Variants in GLRA1 observed in about 807,000 individuals in gnomAD.
GLRA1 encodes the protein glycine receptor alpha 1.
Under a neutral mutation model 48.3 loss-of-function variants are expected in GLRA1, and 37 were observed. The ratio of observed to expected loss-of-function variants is 0.77; its 90% CI spans 0.59 to 1.01. The LOEUF is 1.01. Ranked by LOEUF, GLRA1 falls within the 50% of genes least tolerant of loss-of-function variation. The pLI, the probability that GLRA1 is intolerant of heterozygous loss-of-function variation, is 0.00. For missense variants in GLRA1, 427 were observed against 571.0 expected (o/e 0.75, Z 2.57); for synonymous variants, 196 against 210.7 (o/e 0.93, Z 0.60).
intron 1 of GLRA1, among the ~76,000 whole-genome samples, chr5:151,903,673 C>T (rs1023004004): frequency 3.9e-5 from 6 of 152,314 alleles, no homozygotes; most frequent in African/African-American, 1.4e-4. Flanking sequence ...GCAAGACTAT[C>T]ATCTCCATTT....
intron 3 of GLRA1, among the ~76,000 whole-genome samples, chr5:151,863,638 C>T (rs1410043958): frequency 6.6e-6 from 1 of 152,106 alleles, no homozygotes; most frequent in Non-Finnish European, 1.5e-5. Flanking sequence ...AAATGCTTTC[C>T]TCCAAGGAAT....
At chr5:151,891,099 C>G (rs1212847519) in intron 2 of GLRA1, among the ~76,000 whole-genome samples, 2 of 152,198 alleles carry the variant, frequency 1.3e-5, no homozygotes, top group East Asian at 3.8e-4. Flanking sequence ...GCCAAAGGAA[C>G]AGTGAGGAAG....
intron 7 of GLRA1, among the ~76,000 whole-genome samples, chr5:151,843,658 C>G (rs1752575533): frequency 6.6e-6 from 1 of 152,110 alleles, no homozygotes; most frequent in Admixed American, 6.5e-5. Flanking sequence ...ACTCACACTT[C>G]CAAATTTTAA....
At chr5:151,902,791 C>G (rs1190940770) in intron 1 of GLRA1, among the ~76,000 whole-genome samples, 2 of 152,018 alleles carry the variant, frequency 1.3e-5, no homozygotes. Context: ...AATACTTAAT[C>G]CTCAAAATAA....
Position 151,869,573 on chromosome 5 carries a change from T to C in GLRA1, c.253-9565A>G, listed in dbSNP as rs901118756. On this transcript the variant is annotated intron_variant, in intron 3 of 8. Transcript: ENST00000274576. ...TACTAAAAATACAAAAATTAGCCTG[T>C]ACTTGGTGGCAAGCACTGGTAATCC... 2.9e-5 allele frequency among the ~76,000 whole-genome samples: 4 copies of C among 139,836 alleles called. 1 individual carries two copies. Among genetic ancestry groups the C allele is most frequent in the African/African-American group, 1.3e-4 (4 of 30,044 alleles). 91.7% of individuals were successfully genotyped at this position (139,836 alleles called of 152,430 possible). A position where few individuals can be genotyped will look rare whatever the true frequency, so the allele number is the denominator to read the frequency against.
chr5:151,915,708 A>G (rs1406368393), intron 1 of GLRA1, among the ~76,000 whole-genome samples: 1 of 125,892 alleles, frequency 7.9e-6, no homozygotes, highest in Non-Finnish European at 1.6e-5. Flanking sequence ...TGTAATGTAT[A>G]TGTAATACAT....
intron 2 of GLRA1, 59 bp from the exon 3 acceptor site, chr5:151,886,847 G>A: frequency 4.1e-6 from 5 of 1,227,918 alleles, no homozygotes; most frequent in African/African-American, 1.5e-5. Context: ...CCACAGGGTA[G>A]GACTCATTCC....
intron 4 of GLRA1, among the ~76,000 whole-genome samples, chr5:151,858,806 G>A (rs1211493965): frequency 6.6e-6 from 1 of 152,174 alleles, no homozygotes; most frequent in African/African-American, 2.4e-5. Context: ...AAGGACTGGA[G>A]CAGGAGGAGA....
At chr5:151,900,116 CT>C (rs1454646179) in intron 1 of GLRA1, among the ~76,000 whole-genome samples, 1 of 152,140 alleles carries the variant, frequency 6.6e-6, no homozygotes, top group Non-Finnish European at 1.5e-5. Flanking sequence ...ACTCTCCTGC[CT>C]TATCGTATGT....
chr5:151,883,849 T>C (rs1170499980), intron 3 of GLRA1, among the ~76,000 whole-genome samples: 1 of 152,132 alleles, frequency 6.6e-6, no homozygotes, highest in East Asian at 1.9e-4. Context: ...GAAGACTGTG[T>C]CTAATTACTC....
chr5:151,842,572 T>G (rs1394540180), intron 7 of GLRA1, among the ~76,000 whole-genome samples: 1 of 152,130 alleles, frequency 6.6e-6, no homozygotes. Context: ...GTAAAAATAC[T>G]CCACACATTA....
intron 3 of GLRA1, among the ~76,000 whole-genome samples, chr5:151,872,938 T>G (rs1028414245): frequency 2.7e-5 from 4 of 149,696 alleles, no homozygotes; most frequent in Admixed American, 6.6e-5. Context: ...TACCTAAATG[T>G]ATGAACAATC....
intron 1 of GLRA1, among the ~76,000 whole-genome samples, chr5:151,906,738 G>A (rs1240766248): frequency 6.6e-6 from 1 of 152,160 alleles, no homozygotes; most frequent in African/African-American, 2.4e-5. Flanking sequence ...TTGTACAGAT[G>A]AAGTAACAGG....
chr5:151,910,080 G>C (rs891133542), intron 1 of GLRA1, among the ~76,000 whole-genome samples: 1 of 152,114 alleles, frequency 6.6e-6, no homozygotes, highest in Admixed American at 6.5e-5. Flanking sequence ...ACTTCTGTGG[G>C]AAAAGCAACT....
chr5:151,900,900 A>G (rs182749656), intron 1 of GLRA1, among the ~76,000 whole-genome samples: 5 of 152,320 alleles, frequency 3.3e-5, no homozygotes, highest in African/African-American at 9.6e-5. Flanking sequence ...AGCCTGGCAC[A>G]TAGTCAGAGC....
At chr5:151,886,843 G>A (rs1753920861) in intron 2 of GLRA1, 55 bp from the exon 3 acceptor site, 7 of 1,269,820 alleles carry the variant, frequency 5.5e-6, no homozygotes, top group Non-Finnish European at 8.1e-6. Context: ...GAACCCACAG[G>A]GTAGGACTCA....
At chr5:151,886,646 C>A in intron 3 of GLRA1, 75 bp downstream of exon 3, 1 of 1,112,942 alleles carries the variant, frequency 9.0e-7, no homozygotes, top group South Asian at 1.2e-5. Context: ...TTGGTGGAGA[C>A]CAATGCAGAG....
chr5:151,859,363 G>A (rs1204679133), intron 4 of GLRA1, among the ~76,000 whole-genome samples: 1 of 152,310 alleles, frequency 6.6e-6, no homozygotes, highest in Non-Finnish European at 1.5e-5. Context: ...ATAGAAGGGA[G>A]TATCCCTGGC....
In GLRA1 at chr5:151,891,798, T is replaced by C. The variant is rs373932277; in HGVS notation, c.184+513A>G. ...TTATTGAAAATAAAAGTGGAGCTGT[T>C]TGGGGAGGAGCAGGGTGGGCTTGCT... On this transcript the variant is annotated intron_variant, in intron 2 of 8. Coordinates refer to ENST00000274576, the MANE Select transcript of GLRA1 (RefSeq NM_000171.4). 2.1e-4 allele frequency among the ~76,000 whole-genome samples: 32 copies of C among 152,276 alleles called. 1 individual carries two copies. The highest frequency in any genetic ancestry group is 7.2e-4 in the African/African-American group (30 of 41,548).
Sources: allele counts gnomAD v4.1 joint callset (sites outside exome capture counted in the v4.1 genomes callset), GRCh38; gene constraint gnomAD v4.1.1; transcripts MANE v1.5; gene names NCBI Gene and HGNC (gene_info 2026-07-23, HGNC 2026-07-21).